TCEA1: variants seen among roughly 807,000 people sequenced by gnomAD.
TCEA1 encodes the protein transcription elongation factor A1.
Under a neutral mutation model 43.8 loss-of-function variants are expected in TCEA1, and 21 were observed. That is an observed-to-expected ratio of 0.48 (90% CI 0.34 to 0.69). The LOEUF (loss-of-function observed/expected upper bound fraction) is 0.69, where lower values mean the gene tolerates loss of function less well. TCEA1 is among the 30% of genes least tolerant of loss of function. The probability of loss-of-function intolerance (pLI) is 0.01; values close to 1 mark genes in which losing one functional copy is unlikely to be tolerated. For synonymous variants in TCEA1, 104 were observed against 117.5 expected, an observed-to-expected ratio of 0.88 and a Z score of 0.75; for missense variants, 250 against 365.1, an observed-to-expected ratio of 0.68 and a Z score of 2.57.
chr8:53,986,449 A>G (rs2129303052), intron 6 of TCEA1, among the ~76,000 whole-genome samples: 1 of 152,332 alleles, frequency 6.6e-6, no homozygotes, highest in South Asian at 2.1e-4. Flanking sequence ...ACATAAAGTC[A>G]ATCTTGGACA....
chr8:54,018,237 T>C (rs1472810371), intron 1 of TCEA1, among the ~76,000 whole-genome samples: 1 of 152,180 alleles, frequency 6.6e-6, no homozygotes, highest in Non-Finnish European at 1.5e-5. Context: ...CTCCCTGCAA[T>C]TTAATTCCAC....
chr8:53,990,356 T>C (rs1294558927), intron 4 of TCEA1, among the ~76,000 whole-genome samples: 1 of 149,018 alleles, frequency 6.7e-6, no homozygotes, highest in Non-Finnish European at 1.5e-5. Context: ...AACTCATTTC[T>C]TTTCTTTTTT....
intron 1 of TCEA1, among the ~76,000 whole-genome samples, chr8:54,019,863 G>A (rs1804967134): frequency 6.6e-6 from 1 of 152,192 alleles, no homozygotes; most frequent in Non-Finnish European, 1.5e-5. Flanking sequence ...ACAAGAGCCA[G>A]TCAGTTTTAC....
At chr8:53,981,489 T>C (rs1803498878) in intron 7 of TCEA1, among the ~76,000 whole-genome samples, 1 of 152,218 alleles carries the variant, frequency 6.6e-6, no homozygotes, top group South Asian at 2.1e-4. Context: ...CTGTCTGTGT[T>C]CTATAAATGA....
Position 53,993,884 on chromosome 8 carries a change from T to A in TCEA1, c.233-129A>T. The A allele has an allele frequency of 7.0e-6, 5 of 718,748 alleles. No homozygotes were observed. The South Asian group carries it at 8.8e-5, about 13-fold the overall frequency. The allele number at this position is 718,748 out of a possible 1,614,324, so 44.5% of individuals were successfully genotyped here. On this transcript the variant is annotated intron_variant, in intron 3 of 9. Transcript: ENST00000521604. ...TTCCTACAAGTAGATGAAGTTTGCA[T>A]AAGCTATTAGCATATGTACTATTTT...
intron 1 of TCEA1, among the ~76,000 whole-genome samples, chr8:54,014,387 A>C (rs1174762695): frequency 1.3e-5 from 2 of 152,160 alleles, no homozygotes; most frequent in African/African-American, 4.8e-5. Flanking sequence ...AGGCAGGAGG[A>C]TCACTTGAGC....
At chr8:53,970,893 C>G (rs1487426788) in intron 8 of TCEA1, among the ~76,000 whole-genome samples, 1 of 152,166 alleles carries the variant, frequency 6.6e-6, no homozygotes, top group African/African-American at 2.4e-5. Context: ...ATATCTCAGT[C>G]TGACAAATAT....
intron 9 of TCEA1, 87 bp downstream of exon 9, chr8:53,970,305 T>C (rs1027929292): frequency 9.1e-6 from 8 of 879,742 alleles, no homozygotes; most frequent in Non-Finnish European, 1.6e-5. Context: ...TGTATATATT[T>C]AGATATCTAG....
chr8:53,979,519 G>A (rs1803439641), intron 7 of TCEA1, among the ~76,000 whole-genome samples: 1 of 152,186 alleles, frequency 6.6e-6, no homozygotes, highest in Admixed American at 6.5e-5. Flanking sequence ...CTGGGCACAG[G>A]CCAAGTTAAC....
In TCEA1 at chr8:53,991,694, C is replaced by CA. The variant is rs1220813523; in HGVS notation, c.320+1973dup. ...GGGCAACAAGAGTGAAACTCTGTCT[C>CA]AAAAAATAATAATAATAATAATAAA... is the stretch of plus-strand genomic sequence containing the variant. On this transcript the variant is annotated intron_variant, in intron 4 of 9. Coordinates refer to ENST00000521604, the MANE Select transcript of TCEA1 (RefSeq NM_006756.4). Among the ~76,000 whole-genome samples the CA allele has an allele frequency of 2.0e-5, 3 of 151,014 alleles. 1 individual carries two copies. The highest frequency in any genetic ancestry group is 4.9e-5 in the African/African-American group (2 of 41,050).
At chr8:53,993,590 G>T in intron 4 of TCEA1, 78 bp downstream of exon 4, 1 of 1,155,604 alleles carries the variant, frequency 8.7e-7, no homozygotes, top group Non-Finnish European at 1.2e-6. Flanking sequence ...GTAAATAGGG[G>T]AACATTAGAC....
chr8:54,017,381 C>T (rs1226891693), intron 1 of TCEA1, among the ~76,000 whole-genome samples: 1 of 152,236 alleles, frequency 6.6e-6, no homozygotes, highest in Non-Finnish European at 1.5e-5. Context: ...TTCTCCTCAG[C>T]TTATTCAATG....
chr8:53,978,894 G>A, intron 8 of TCEA1, 131 bp downstream of exon 8: 1 of 1,118,728 alleles, frequency 8.9e-7, no homozygotes, highest in Admixed American at 2.8e-5. Flanking sequence ...CATCCACTCA[G>A]GGTCTTAGAA....
chr8:54,002,575 A>G (rs1197605707), intron 2 of TCEA1, among the ~76,000 whole-genome samples: 7 of 149,930 alleles, frequency 4.7e-5, no homozygotes, highest in Admixed American at 3.3e-4. Context: ...GAAAAAATGA[A>G]AAAAAAAAAA....
At chr8:53,995,271 G>C (rs547288367) in intron 3 of TCEA1, among the ~76,000 whole-genome samples, 1 of 150,586 alleles carries the variant, frequency 6.6e-6, no homozygotes, top group East Asian at 1.9e-4. Context: ...CTCCAGCCTG[G>C]GTGACAGAGT....
At chr8:53,972,679 G>A (rs1462467910) in intron 8 of TCEA1, 7 of 631,666 alleles carry the variant, frequency 1.1e-5, no homozygotes, top group Admixed American at 9.2e-5. Context: ...GAGCTATTAA[G>A]TGTTCCTGAA....
At chr8:53,981,087 A>G (rs1474285860) in intron 7 of TCEA1, among the ~76,000 whole-genome samples, 1 of 152,220 alleles carries the variant, frequency 6.6e-6, no homozygotes, top group Non-Finnish European at 1.5e-5. Flanking sequence ...AGAGATGAGG[A>G]AGCTGCCGAA....
At chr8:53,999,364 A>C (rs1804177055) in intron 3 of TCEA1, among the ~76,000 whole-genome samples, 1 of 152,092 alleles carries the variant, frequency 6.6e-6, no homozygotes, top group Non-Finnish European at 1.5e-5. Context: ...ACCATAAAAT[A>C]CTATACCAAT....
In TCEA1 at chr8:53,968,025, C is replaced by T; in HGVS notation, c.*79G>A. The T allele has an allele frequency of 1.5e-6, 2 of 1,311,946 alleles. No homozygotes were observed. The highest frequency in any genetic ancestry group is 2.1e-6 in the Non-Finnish European group (2 of 955,424). The allele number at this position is 1,311,946 out of a possible 1,614,324, so 81.3% of individuals were successfully genotyped here. On this transcript the variant is annotated 3_prime_UTR_variant, in exon 10 of 10. Coordinates refer to ENST00000521604, the MANE Select transcript of TCEA1 (RefSeq NM_006756.4). ...TTTAAAAATTTGATTTGCAGGAAAA[C>T]TAGTTGCTTGGCCTAGTTTAAAGCT... is the stretch of plus-strand genomic sequence containing the variant.
Sources: gnomAD v4.1 joint callset for allele counts (sites outside exome capture counted in the v4.1 genomes callset) on GRCh38, gnomAD v4.1.1 for gene constraint, MANE v1.5 for transcripts, NCBI Gene and HGNC (gene_info 2026-07-23, HGNC 2026-07-21) for gene names.